The following CUL3 variants were observed in gnomAD, a reference collection of about 807,000 sequenced individuals.
CUL3 encodes the protein cullin-3.
Under a neutral mutation model 89.1 loss-of-function variants are expected in CUL3, and 19 were observed. The ratio of observed to expected loss-of-function variants is 0.21; its 90% confidence interval spans 0.15 to 0.31. The LOEUF (loss-of-function observed/expected upper bound fraction) is 0.31. Among genes scored for constraint, CUL3 ranks in the 10% least tolerant of loss-of-function variants. CUL3 has a pLI of 1.00. For synonymous variants in CUL3, 351 were observed against 308.4 expected, an observed-to-expected ratio of 1.14 and a Z score of -1.45; for missense variants, 469 against 942.3, an observed-to-expected ratio of 0.50 and a Z score of 6.58.
chr2:224,552,733 T>C (rs1458376432), intron 2 of CUL3, among the ~76,000 whole-genome samples: 1 of 152,164 alleles, frequency 6.6e-6, no homozygotes, highest in Non-Finnish European at 1.5e-5. Context: ...AAAAGATGGG[T>C]CTTGGCTATG....
intron 3 of CUL3, 109 bp from the exon 4 acceptor site, chr2:224,514,881 A>C: frequency 1.3e-6 from 1 of 779,792 alleles, no homozygotes; most frequent in Non-Finnish European, 2.0e-6. Flanking sequence ...ATCATTTTTC[A>C]GGTGAGAAAC....
intron 3 of CUL3, among the ~76,000 whole-genome samples, chr2:224,517,464 G>C (rs1011543912): frequency 6.6e-6 from 1 of 152,134 alleles, no homozygotes; most frequent in East Asian, 1.9e-4. Flanking sequence ...CTTGAGGTCA[G>C]GAGTTTGAGA....
At chr2:224,489,440 C>T (rs1392106936) in intron 13 of CUL3, among the ~76,000 whole-genome samples, 1 of 152,200 alleles carries the variant, frequency 6.6e-6, no homozygotes, top group East Asian at 1.9e-4. Flanking sequence ...GCAGAAATCA[C>T]AAGCATTCCT....
chr2:224,563,244 T>C (rs764932380), intron 1 of CUL3: 2 of 471,240 alleles, frequency 4.2e-6, no homozygotes, highest in Non-Finnish European at 4.4e-6. Context: ...CTACATCTCT[T>C]GTATACTACT....
chr2:224,547,165 G>A (rs1694334771), intron 2 of CUL3, among the ~76,000 whole-genome samples: 1 of 152,094 alleles, frequency 6.6e-6, no homozygotes, highest in Non-Finnish European at 1.5e-5. Context: ...CTTCTCCACT[G>A]CAGTCAGCCT....
chr2:224,556,719 A>G (rs1481800911), intron 2 of CUL3, among the ~76,000 whole-genome samples: 1 of 152,152 alleles, frequency 6.6e-6, no homozygotes, highest in African/African-American at 2.4e-5. Context: ...TCTTTGGTTA[A>G]GTAAGATTTC....
chr2:224,538,572 T>C (rs1693976944), intron 2 of CUL3, among the ~76,000 whole-genome samples: 1 of 152,162 alleles, frequency 6.6e-6, no homozygotes, highest in Non-Finnish European at 1.5e-5. Flanking sequence ...AACCCTGCTG[T>C]ACAGGTAGTA....
At chr2:224,564,831 G>A (rs746649886) in intron 1 of CUL3, among the ~76,000 whole-genome samples, 6 of 141,428 alleles carry the variant, frequency 4.2e-5, no homozygotes, top group Non-Finnish European at 8.0e-5. Context: ...AAAAATCCCT[G>A]ACAACTCACC....
chr2:224,536,754 T>A (rs927705321), intron 2 of CUL3, among the ~76,000 whole-genome samples: 2 of 152,174 alleles, frequency 1.3e-5, no homozygotes, highest in African/African-American at 2.4e-5. Flanking sequence ...CTTAGTACCA[T>A]CCTCTCTGAT....
At chr2:224,490,164 A>G (rs988637207) in intron 13 of CUL3, among the ~76,000 whole-genome samples, 12 of 152,198 alleles carry the variant, frequency 7.9e-5, no homozygotes, top group Non-Finnish European at 1.8e-4. Context: ...ATCTCATGCC[A>G]TGTGATGCTG....
chr2:224,517,785 T>TA (rs1261569592), intron 3 of CUL3, among the ~76,000 whole-genome samples: 1 of 152,346 alleles, frequency 6.6e-6, no homozygotes, highest in Admixed American at 6.5e-5. Context: ...AATCTGAATG[T>TA]AAAATCCTTC....
At chr2:224,554,420 A>C (rs373179857) in intron 2 of CUL3, among the ~76,000 whole-genome samples, 49 of 152,366 alleles carry the variant, frequency 3.2e-4, no homozygotes, top group Middle Eastern at 3.4e-3. Context: ...CAGTAAGTCC[A>C]TTAACTTGAA....
chr2:224,531,970 A>G (rs1574663954), intron 3 of CUL3, among the ~76,000 whole-genome samples: 4 of 152,226 alleles, frequency 2.6e-5, no homozygotes, highest in African/African-American at 7.2e-5. Flanking sequence ...GTAACAGACA[A>G]TAAAGAGAAA....
intron 3 of CUL3, among the ~76,000 whole-genome samples, chr2:224,525,958 C>T (rs1006355122): frequency 6.6e-6 from 1 of 152,172 alleles, no homozygotes; most frequent in African/African-American, 2.4e-5. Context: ...TTTCAGGCAC[C>T]CATAAACCCC....
intron 2 of CUL3, among the ~76,000 whole-genome samples, chr2:224,551,168 C>T (rs576811233): frequency 1.3e-4 from 20 of 150,366 alleles, no homozygotes; most frequent in African/African-American, 4.4e-4. Context: ...GCCTCCTGAG[C>T]GACTGTGACT....
intron 1 of CUL3, among the ~76,000 whole-genome samples, chr2:224,559,838 T>C (rs761233035): frequency 6.6e-6 from 1 of 152,164 alleles, no homozygotes; most frequent in Non-Finnish European, 1.5e-5. Context: ...TCCCAGCACT[T>C]TGGAAAGTCA....
intron 13 of CUL3, among the ~76,000 whole-genome samples, chr2:224,492,085 C>G (rs1692004654): frequency 6.6e-6 from 1 of 152,112 alleles, no homozygotes; most frequent in Non-Finnish European, 1.5e-5. Flanking sequence ...CTTTCTTTCT[C>G]TTTTGTATTT....
At chr2:224,565,251 T>C (rs991434229) in intron 1 of CUL3, among the ~76,000 whole-genome samples, 2 of 152,162 alleles carry the variant, frequency 1.3e-5, no homozygotes, top group Non-Finnish European at 2.9e-5. Flanking sequence ...ATTAAGAACA[T>C]TGTAAGAAAA....
In CUL3 at chr2:224,576,155, G is replaced by C. The variant is rs181147113; in HGVS notation, c.66+8789C>G. The stretch of plus-strand genomic sequence containing the variant: ...ATGGAAGTGGCAATAAACCACATCT[G>C]GGCCCAATAATTCAAGGACTGTAAT... On this transcript the variant is annotated intron_variant, in intron 1 of 15. Coordinates refer to ENST00000264414, the MANE Select transcript of CUL3 (RefSeq NM_003590.5). Among the ~76,000 whole-genome samples, 281 of 152,198 alleles carry C rather than the reference G, an allele frequency of 1.8e-3. 3 individuals carry two copies. The highest frequency in any genetic ancestry group is 6.5e-3 in the African/African-American group (270 of 41,528).
Sources: gnomAD v4.1 joint callset for allele counts (sites outside exome capture counted in the v4.1 genomes callset) on GRCh38, gnomAD v4.1.1 for gene constraint, MANE v1.5 for transcripts, NCBI Gene and HGNC (gene_info 2026-07-23, HGNC 2026-07-21) for gene names.